The following NBPF20 variants were observed in gnomAD, a reference collection of about 807,000 sequenced individuals.
NBPF20 encodes the protein NBPF member 20, also known as NBPF family member NBPF20.
In NBPF20, 90 loss-of-function variants were observed where a neutral mutation model predicts 68.1. The observed-to-expected ratio is 1.32, with a 90% CI of 1.11 to 1.58. NBPF20 has a LOEUF of 1.58. Among genes scored for constraint, NBPF20 ranks in the 40% most tolerant of loss-of-function variants. NBPF20 has a pLI of 0.00. For missense variants in NBPF20, 816 were observed against 601.2 expected (o/e 1.36, Z -3.74); for synonymous variants, 290 against 228.1 (o/e 1.27, Z -2.45).
chr1:145,292,516 C>A, intron 136 of NBPF20, 27 bp from the exon 142 acceptor site: 1 of 695,662 alleles, frequency 1.4e-6, no homozygotes, highest in Non-Finnish European at 2.5e-6. Context: ...CATGGACAGA[C>A]ACATTAAGCT....
Position 145,393,842 on chromosome 1 carries a change from G to T in NBPF20, c.1043+42C>A, listed in dbSNP as rs1436879197. 11 of 1,406,526 alleles carry T rather than the reference G, an allele frequency of 7.8e-6. No individual in the cohort carries two copies. In the African/African-American group the frequency reaches 1.1e-4, roughly 14 times the overall value. 87.1% of individuals were successfully genotyped at this position (1,406,526 alleles called of 1,614,324 possible). Reference sequence around the variant, plus strand: ...TTTTCCCTGGACTTGGCATCTCCAGGTGTCAACATCAAATTAACTCTCCAC... The same window carrying T: ...TTTTCCCTGGACTTGGCATCTCCAGTTGTCAACATCAAATTAACTCTCCAC... On this transcript the variant is annotated intron_variant, in intron 9 of 137. Coordinates refer to ENST00000369373, the Ensembl canonical transcript of NBPF20.
At chr1:145,421,481 G>A in the NBPF20 span, among the ~76,000 whole-genome samples, 9 of 152,186 alleles carry the variant, frequency 5.9e-5, no homozygotes, top group Non-Finnish European at 1.2e-4. Context: ...GACACTTGGA[G>A]ATTGTTGAAT....
the NBPF20 span, among the ~76,000 whole-genome samples, chr1:145,410,700 ATGTGTGTGTG>A: frequency 0.023 from 2,688 of 118,274 alleles, 99 homozygotes; most frequent in African/African-American, 0.09. Flanking sequence ...ATATATATAT[ATGTGTGTGTG>A]TGTGTGTGTG....
intron 3 of NBPF20, 136 bp downstream of exon 8, chr1:145,403,080 T>G: frequency 1.0e-6 from 1 of 968,860 alleles, no homozygotes. Context: ...GATAAATATT[T>G]ATGTGTAGCG....
At chr1:145,405,269 C>G in exon 2 of NBPF20, 1 of 1,607,900 alleles carries the variant, frequency 6.2e-7, no homozygotes, top group Non-Finnish European at 8.5e-7. Context: ...GCTGATACCA[C>G]CATGCTGACG....
chr1:145,410,556 G>C (rs1372281245), upstream of NBPF20, among the ~76,000 whole-genome samples: 2 of 150,264 alleles, frequency 1.3e-5, no homozygotes, highest in Non-Finnish European at 3.0e-5. Flanking sequence ...CTCGTGATCC[G>C]CCCGCCTCGG....
chr1:145,419,339 T>C, the NBPF20 span, among the ~76,000 whole-genome samples: 18 of 152,280 alleles, frequency 1.2e-4, no homozygotes, highest in African/African-American at 3.9e-4. Flanking sequence ...ACACGCTAAC[T>C]AGTTATTGGA....
rs782621064 is a variant in NBPF20, at chr1:145,291,908, A to C, written c.16698-139T>G. On this transcript the variant is annotated intron_variant, in intron 137 of 137. Coordinates refer to ENST00000369373, the Ensembl canonical transcript of NBPF20. ...CATTAATGAGGTAAAAAAAAAATTTATTGCCTATATGTTGGGATAGAACAG... is the reference window on the plus strand; with the variant it reads ...CATTAATGAGGTAAAAAAAAAATTTCTTGCCTATATGTTGGGATAGAACAG... 4.5e-6 allele frequency: 7 copies of C among 1,545,974 alleles called. No homozygotes were observed. The East Asian group carries it at 6.7e-5, about 15-fold the overall frequency.
intron 133 of NBPF20, 199 bp from the exon 139 acceptor site, chr1:145,295,153 G>GGA: frequency 3.0e-6 from 2 of 669,382 alleles, no homozygotes; most frequent in Non-Finnish European, 2.6e-6. Context: ...ACAGGGAGAG[G>GGA]GAGGGAGAGA....
At chr1:145,400,941 A>G in intron 5 of NBPF20, 118 bp downstream of exon 10, 1 of 1,246,208 alleles carries the variant, frequency 8.0e-7, no homozygotes, top group Non-Finnish European at 1.2e-6. Flanking sequence ...TATATTTCAC[A>G]TACTGTGGCC....
the NBPF20 span, among the ~76,000 whole-genome samples, chr1:145,415,014 C>A: frequency 2.6e-5 from 4 of 152,224 alleles, no homozygotes; most frequent in African/African-American, 9.6e-5. Context: ...TACGGAGGAC[C>A]CATGCCGGCA....
At chr1:145,291,518 A>C (rs782705570) in exon 138 of NBPF20, 3 of 1,612,034 alleles carry the variant, frequency 1.9e-6, no homozygotes, top group Non-Finnish European at 2.5e-6. Context: ...CGGCTTAGTA[A>C]GGGCTGTTTA....
At chr1:145,396,723 A>G (rs1365362310) in intron 7 of NBPF20, among the ~76,000 whole-genome samples, 1 of 143,372 alleles carries the variant, frequency 7.0e-6, no homozygotes, top group African/African-American at 2.8e-5. Context: ...TTCCATATGT[A>G]TAGTTTTCCT....
the NBPF20 span, among the ~76,000 whole-genome samples, chr1:145,411,476 C>T: frequency 1.8e-5 from 2 of 108,826 alleles, no homozygotes; most frequent in South Asian, 3.5e-4. Context: ...ACTGTAACCT[C>T]TGCCTCCCAG....
At chr1:145,397,117 CA>C (rs1162748537) in intron 7 of NBPF20, among the ~76,000 whole-genome samples, 10 of 144,040 alleles carry the variant, frequency 6.9e-5, no homozygotes, top group Admixed American at 6.4e-4. Context: ...TTTATAGCTG[CA>C]TAGTATTCCA....
the NBPF20 span, among the ~76,000 whole-genome samples, chr1:145,425,069 G>A: frequency 6.6e-6 from 1 of 152,020 alleles, no homozygotes; most frequent in Non-Finnish European, 1.5e-5. Flanking sequence ...ACGTGCCCCC[G>A]AAGCTGCTCG....
chr1:145,394,479 G>T (rs1283486477), intron 8 of NBPF20, among the ~76,000 whole-genome samples: 5 of 152,084 alleles, frequency 3.3e-5, no homozygotes, highest in Admixed American at 6.6e-5. Flanking sequence ...TAAAACAAGC[G>T]AACTTAGAAG....
At chr1:145,410,696 ATATATG>A in the NBPF20 span, among the ~76,000 whole-genome samples, 1 of 108,558 alleles carries the variant, frequency 9.2e-6, no homozygotes. Context: ...TGCAATATAT[ATATATG>A]TGTGTGTGTG....
intron 5 of NBPF20, among the ~76,000 whole-genome samples, chr1:145,400,838 A>G (rs1662489009): frequency 6.6e-6 from 1 of 151,928 alleles, no homozygotes; most frequent in Non-Finnish European, 1.5e-5. Flanking sequence ...GCTGAGGAGG[A>G]TGAAGACTCA....
Sources: gnomAD v4.1 joint callset for allele counts (sites outside exome capture counted in the v4.1 genomes callset) on GRCh38, gnomAD v4.1.1 for gene constraint, MANE v1.5 for transcripts, NCBI Gene and HGNC (gene_info 2026-07-23, HGNC 2026-07-21) for gene names.